The following SAMD5 variants were observed in gnomAD, a reference collection of about 807,000 sequenced individuals.
SAMD5 encodes sterile alpha motif domain-containing protein 5.
Under a neutral mutation model 11.3 loss-of-function variants are expected in SAMD5, and 13 were observed. That is an observed-to-expected ratio of 1.15 (90% CI 0.75 to 1.83). The LOEUF is 1.83. Among genes scored for constraint, SAMD5 ranks in the 40% most tolerant of loss-of-function variants. The pLI is 0.00. For missense variants in SAMD5, 255 were observed against 239.1 expected (o/e 1.07, Z -0.44); for synonymous variants, 129 against 111.3 (o/e 1.16, Z -1.00).
At chr6:147,562,408 T>C (rs989630427) in intron 1 of SAMD5, among the ~76,000 whole-genome samples, 2 of 152,238 alleles carry the variant, frequency 1.3e-5, no homozygotes, top group African/African-American at 4.8e-5. Flanking sequence ...CCTAACACTA[T>C]AACCTAAGGA....
At chr6:147,901,236 T>C in the SAMD5 span, among the ~76,000 whole-genome samples, 1 of 152,350 alleles carries the variant, frequency 6.6e-6, no homozygotes, top group African/African-American at 2.4e-5. Flanking sequence ...AGTACCTACT[T>C]GGTAAATGTT....
At chr6:147,587,676 A>G (rs1731226414) in intron 1 of SAMD5, among the ~76,000 whole-genome samples, 1 of 152,204 alleles carries the variant, frequency 6.6e-6, no homozygotes, top group Admixed American at 6.5e-5. Context: ...CAACAGGGAT[A>G]TGCTTTTCTG....
chr6:147,832,558 C>A, the SAMD5 span, among the ~76,000 whole-genome samples: 2 of 152,270 alleles, frequency 1.3e-5, no homozygotes, highest in Admixed American at 6.5e-5. Context: ...CTGCGCATCC[C>A]CACTCTGCTT....
chr6:147,850,547 A>G, the SAMD5 span, among the ~76,000 whole-genome samples: 1 of 152,314 alleles, frequency 6.6e-6, no homozygotes, highest in African/African-American at 2.4e-5. Context: ...AAATAAAAAT[A>G]ACTTGTCAGT....
intron 1 of SAMD5, among the ~76,000 whole-genome samples, chr6:147,550,996 A>T (rs761524981): frequency 3.2e-4 from 49 of 152,278 alleles, no homozygotes; most frequent in African/African-American, 1.2e-3. Context: ...GTTTTTTGAC[A>T]TTCAGTGATT....
At chr6:147,686,815 A>G (rs920299767) in intron 1 of SAMD5, among the ~76,000 whole-genome samples, 1 of 152,190 alleles carries the variant, frequency 6.6e-6, no homozygotes, top group African/African-American at 2.4e-5. Flanking sequence ...TTAAACAAGA[A>G]GCTTTCTAAG....
chr6:147,868,990 T>C, the SAMD5 span, among the ~76,000 whole-genome samples: 1 of 152,222 alleles, frequency 6.6e-6, no homozygotes, highest in African/African-American at 2.4e-5. Flanking sequence ...ATTAAGAGCT[T>C]ATTCCATTTG....
the SAMD5 span, among the ~76,000 whole-genome samples, chr6:147,812,813 A>G: frequency 6.7e-3 from 1,025 of 152,298 alleles, 6 homozygotes; most frequent in Middle Eastern, 0.044. Context: ...TGATATAGTT[A>G]TGATAGTATA....
rs1788042990 is a variant in SAMD5 at position 147,509,205 on chromosome 6, G to C, written c.277G>C (p.Gly93Arg). 1 of 1,299,830 alleles carries C rather than the reference G, an allele frequency of 7.7e-7. No individual in the cohort carries two copies. Among genetic ancestry groups the C allele is most frequent in the African/African-American group, 1.6e-5 (1 of 63,986 alleles). The allele number at this position is 1,299,830 out of a possible 1,614,324, so 80.5% of individuals were successfully genotyped here. The change falls in exon 1 of 2, where the codon GGC becomes CGC. Residue 93 changes from glycine to arginine, a missense_variant. Coordinates refer to ENST00000367474, the MANE Select transcript of SAMD5 (RefSeq NM_001030060.3). ...PGPPADAVPTGRRGEPCGGPA... is the reference protein window; with the variant it reads ...PGPPADAVPTRRRGEPCGGPA... ...GCCGCCCGCCGACGCCGTCCCCACCGGCCGCCGGGGGGAGCCGTGCGGCGG... is the reference window on the plus strand; with the variant it reads ...GCCGCCCGCCGACGCCGTCCCCACCCGCCGCCGGGGGGAGCCGTGCGGCGG...
At chr6:147,730,073 TCA>T (rs1791690372) in intron 1 of SAMD5, 1 of 133,618 alleles carries the variant, frequency 7.5e-6, no homozygotes, top group East Asian at 1.7e-4. Context: ...TGACTCTGTC[TCA>T]AAAAAAAAAA....
At position 147,569,605 on chromosome 6, in the gene SAMD5, G is replaced by A; in HGVS notation, c.*5149G>A. 1 of 984,710 alleles carries A rather than the reference G, an allele frequency of 1.0e-6. No homozygotes were observed. The highest frequency in any genetic ancestry group is 1.2e-6 in the Non-Finnish European group (1 of 829,272). The allele number at this position is 984,710 out of a possible 1,614,324, so 61.0% of individuals were successfully genotyped here. The stretch of plus-strand genomic sequence containing the variant: ...CTGTGTTAAATATCTCCAGGGCAAA[G>A]TGGTATGTTGACTGGGACAAACGTT... On this transcript the variant is annotated 3_prime_UTR_variant, in exon 2 of 2. Transcript: ENST00000367474.
chr6:147,932,322 T>C, the SAMD5 span, among the ~76,000 whole-genome samples: 3 of 152,112 alleles, frequency 2.0e-5, no homozygotes, highest in Non-Finnish European at 4.4e-5. Flanking sequence ...CAGCTGATCA[T>C]GTTGAACCTG....
intron 1 of SAMD5, among the ~76,000 whole-genome samples, chr6:147,591,999 C>T (rs529235461): frequency 6.6e-6 from 1 of 152,150 alleles, no homozygotes; most frequent in Non-Finnish European, 1.5e-5. Context: ...AAAAACAGAT[C>T]AGAGTTAGTG....
chr6:147,611,238 G>A (rs67731687), intron 1 of SAMD5, among the ~76,000 whole-genome samples: 51,400 of 151,964 alleles, frequency 0.34, 8,856 homozygotes, highest in South Asian at 0.36. Flanking sequence ...CCCTTAGATG[G>A]AAAGTGCAAG....
intron 1 of SAMD5, among the ~76,000 whole-genome samples, chr6:147,622,919 G>GAAACCCCTT (rs1391348767): frequency 1.3e-5 from 2 of 152,130 alleles, no homozygotes; most frequent in Non-Finnish European, 2.9e-5. Flanking sequence ...AGCAAAAGGG[G>GAAACCCCTT]AAACCCCTTA....
chr6:147,597,103 C>T (rs961191452), intron 1 of SAMD5, among the ~76,000 whole-genome samples: 4 of 151,996 alleles, frequency 2.6e-5, no homozygotes, highest in African/African-American at 7.3e-5. Context: ...AGTTAGCCAG[C>T]GAATATTTTA....
chr6:147,929,447 A>G, the SAMD5 span, among the ~76,000 whole-genome samples: 3 of 152,198 alleles, frequency 2.0e-5, no homozygotes, highest in South Asian at 2.1e-4. Context: ...TAATATAAAT[A>G]TTTTCTAATT....
chr6:147,827,916 A>G, the SAMD5 span, among the ~76,000 whole-genome samples: 1 of 150,454 alleles, frequency 6.6e-6, no homozygotes, highest in South Asian at 2.1e-4. Flanking sequence ...CAGCCTCCCG[A>G]GTAGCTGGGA....
At chr6:147,644,236 A>G (rs2128452692) in intron 1 of SAMD5, among the ~76,000 whole-genome samples, 1 of 152,302 alleles carries the variant, frequency 6.6e-6, no homozygotes, top group African/African-American at 2.4e-5. Context: ...ACCCAATCAG[A>G]GGAGGGAGGA....
Sources: allele counts gnomAD v4.1 joint callset (sites outside exome capture counted in the v4.1 genomes callset), GRCh38; gene constraint gnomAD v4.1.1; transcripts MANE v1.5; gene names NCBI Gene and HGNC (gene_info 2026-07-23, HGNC 2026-07-21).